UTRN: variants seen among roughly 807,000 people sequenced by gnomAD.
The protein encoded by UTRN is dystrophin-related protein 1.
In UTRN, 283 loss-of-function variants were observed where a neutral mutation model predicts 463.9. The ratio of observed to expected loss-of-function variants is 0.61; its 90% confidence interval spans 0.55 to 0.67. UTRN has a LOEUF of 0.67. UTRN is among the 30% of genes least tolerant of loss of function. UTRN has a pLI of 0.00. For synonymous variants in UTRN, 1,442 were observed against 1,431.5 expected, an observed-to-expected ratio of 1.01 and a Z score of -0.17; for missense variants, 3,922 against 4,084.3, an observed-to-expected ratio of 0.96 and a Z score of 1.08.
chr6:144,396,395 A>G (rs1263418209), intron 2 of UTRN, among the ~76,000 whole-genome samples: 2 of 152,212 alleles, frequency 1.3e-5, no homozygotes, highest in Non-Finnish European at 2.9e-5. Flanking sequence ...TTATTGCTTA[A>G]TGACAGCAGA....
intron 65 of UTRN, among the ~76,000 whole-genome samples, chr6:144,819,876 C>T (rs921656638): frequency 1.5e-5 from 2 of 132,342 alleles, no homozygotes; most frequent in Admixed American, 1.7e-4. Context: ...CCTCCTCCGC[C>T]GCCTCCTCCT....
intron 64 of UTRN, among the ~76,000 whole-genome samples, chr6:144,801,527 G>GATATAT (rs151073512): frequency 6.7e-6 from 1 of 149,716 alleles, no homozygotes; most frequent in African/African-American, 2.4e-5. Flanking sequence ...TTCTACCCAA[G>GATATAT]ATATATATAT....
rs779151170 is a variant in UTRN at position 144,554,832 on chromosome 6, G to T, written c.7073G>T (p.Arg2358Leu). ...GAACTGATGAGAAAATATGAGGCTC[G>T]ACTCTATATTCTTCAGCAAGCCCGA... ...TEELMRKYEA[R>L]LYILQQARRD... The change falls in exon 49 of 75, where the codon CGA (arginine) becomes CTA (leucine). Residue 2358 changes from arginine (R) to leucine (L), a missense_variant. Arg to Leu is a moderately radical substitution (Grantham distance 102). This residue lies in a region of UTRN where 1,309 missense variants were observed against 1,452.6 expected (regional missense o/e 0.90). Transcript: ENST00000367545. 6.2e-7 allele frequency: 1 copy of T among 1,613,866 alleles called. No individual in the cohort carries two copies. The highest frequency in any genetic ancestry group is 1.1e-5 in the South Asian group (1 of 91,028).
intron 9 of UTRN, among the ~76,000 whole-genome samples, 155 bp from the exon 10 acceptor site, chr6:144,435,780 A>G (rs1313488232): frequency 6.6e-6 from 1 of 152,188 alleles, no homozygotes; most frequent in African/African-American, 2.4e-5. Flanking sequence ...CAATGCTTCT[A>G]ACTCATTCAT....
At chr6:144,446,529 T>C (rs1421195489) in intron 14 of UTRN, among the ~76,000 whole-genome samples, 1 of 152,276 alleles carries the variant, frequency 6.6e-6, no homozygotes, top group Non-Finnish European at 1.5e-5. Context: ...GGAGAAATTA[T>C]CACAATGTAG....
At chr6:144,528,875 T>C (rs1796789697) in intron 41 of UTRN, among the ~76,000 whole-genome samples, 1 of 152,246 alleles carries the variant, frequency 6.6e-6, no homozygotes, top group African/African-American at 2.4e-5. Flanking sequence ...TAAGAAATTA[T>C]CTTCTTTGTC....
At chr6:144,794,752 A>G (rs1045773193) in intron 63 of UTRN, among the ~76,000 whole-genome samples, 6 of 152,186 alleles carry the variant, frequency 3.9e-5, no homozygotes, top group Non-Finnish European at 7.3e-5. Context: ...GAGGCTGTCC[A>G]TGATCAAGGT....
intron 51 of UTRN, among the ~76,000 whole-genome samples, chr6:144,588,593 G>T (rs746581317): frequency 1.3e-5 from 2 of 152,122 alleles, no homozygotes; most frequent in Admixed American, 6.6e-5. Flanking sequence ...CGGATAAAAG[G>T]TCTCTTTTAT....
chr6:144,727,240 A>G (rs940056604), intron 53 of UTRN, among the ~76,000 whole-genome samples: 3 of 152,030 alleles, frequency 2.0e-5, no homozygotes, highest in Non-Finnish European at 4.4e-5. Context: ...TCAGTTTTTA[A>G]TCTTTCCACA....
At chr6:144,341,852 A>C (rs1272225982) in intron 2 of UTRN, among the ~76,000 whole-genome samples, 1 of 152,230 alleles carries the variant, frequency 6.6e-6, no homozygotes, top group Non-Finnish European at 1.5e-5. Flanking sequence ...AGAAGTATGA[A>C]GGCCAGCAAT....
intron 2 of UTRN, among the ~76,000 whole-genome samples, chr6:144,355,693 G>A (rs1778490333): frequency 6.6e-6 from 1 of 152,044 alleles, no homozygotes; most frequent in South Asian, 2.1e-4. Context: ...AAGATGGTAT[G>A]TAAAGTTCCC....
intron 59 of UTRN, 47 bp downstream of exon 59, chr6:144,772,015 G>GGTTT: frequency 4.2e-6 from 1 of 239,820 alleles, no homozygotes; most frequent in Non-Finnish European, 8.1e-6. Context: ...ACTGAGAACC[G>GGTTT]GTTTTTTTTT....
intron 16 of UTRN, among the ~76,000 whole-genome samples, chr6:144,448,230 G>A (rs1030634476): frequency 6.6e-5 from 10 of 152,192 alleles, no homozygotes; most frequent in African/African-American, 1.9e-4. Context: ...ACGAAGTATT[G>A]ACACATGCTA....
At chr6:144,793,612 C>T (rs1343960460) in intron 62 of UTRN, among the ~76,000 whole-genome samples, 5 of 152,110 alleles carry the variant, frequency 3.3e-5, no homozygotes, top group Non-Finnish European at 5.9e-5. Context: ...CTTGCAGGAA[C>T]GGGTTAACTA....
Position 144,851,240 on chromosome 6 carries a change from G to T in UTRN, c.*243G>T. 1.8e-6 allele frequency: 1 copy of T among 555,222 alleles called. No individual in the cohort carries two copies. The highest frequency in any genetic ancestry group is 3.2e-6 in the Non-Finnish European group (1 of 312,014). 34.4% of individuals were successfully genotyped at this position (555,222 alleles called of 1,614,324 possible). On this transcript the variant is annotated 3_prime_UTR_variant, in exon 75 of 75. Coordinates refer to ENST00000367545, the MANE Select transcript of UTRN (RefSeq NM_007124.3). Reference sequence around the variant, plus strand: ...CCTTTCTATGCAAGTGTAAATTAATGAACAGAGAGGTATTTGGAAATGGTA... The same window carrying T: ...CCTTTCTATGCAAGTGTAAATTAATTAACAGAGAGGTATTTGGAAATGGTA...
At chr6:144,849,054 T>A (rs919277778) in intron 74 of UTRN, among the ~76,000 whole-genome samples, 1 of 151,986 alleles carries the variant, frequency 6.6e-6, no homozygotes, top group African/African-American at 2.4e-5. Context: ...GGAAGCTGTG[T>A]CTTCAGGTAG....
At chr6:144,729,692 C>T (rs1788312666) in intron 53 of UTRN, among the ~76,000 whole-genome samples, 1 of 152,160 alleles carries the variant, frequency 6.6e-6, no homozygotes, top group African/African-American at 2.4e-5. Flanking sequence ...TTTAGCTCCA[C>T]TTCAAGGAAC....
At chr6:144,335,484 T>C (rs895673263) in intron 2 of UTRN, among the ~76,000 whole-genome samples, 1 of 152,220 alleles carries the variant, frequency 6.6e-6, no homozygotes, top group African/African-American at 2.4e-5. Flanking sequence ...TTCCCCTTTT[T>C]GGCATGCTCT....
chr6:144,730,109 C>T (rs1046841414), intron 53 of UTRN, among the ~76,000 whole-genome samples: 5 of 152,128 alleles, frequency 3.3e-5, no homozygotes, highest in Admixed American at 6.6e-5. Flanking sequence ...TAACAATTTC[C>T]CTTAAGTGAA....
Sources: gnomAD v4.1 joint callset for allele counts (sites outside exome capture counted in the v4.1 genomes callset) on GRCh38, gnomAD v4.1.1 for gene constraint, gnomAD v4.1.1 regional missense constraint, MANE v1.5 for transcripts, NCBI Gene and HGNC (gene_info 2026-07-23, HGNC 2026-07-21) for gene names.